Variants in CAPG observed in about 807,000 individuals in gnomAD.
The protein encoded by CAPG is capping actin protein, gelsolin like.
CAPG carries 32 observed loss-of-function variants against 44.6 expected under a neutral mutation model. The observed-to-expected ratio is 0.72, with a 90% CI of 0.54 to 0.96. CAPG has a LOEUF of 0.96. Among genes scored for constraint, CAPG ranks in the 50% least tolerant of loss-of-function variants. The probability of loss-of-function intolerance (pLI) is 0.00; values close to 1 mark genes in which losing one functional copy is unlikely to be tolerated. For synonymous variants in CAPG, 175 were observed against 179.6 expected (o/e 0.97, Z 0.20); for missense variants, 412 against 438.3 (o/e 0.94, Z 0.54).
At chr2:85,398,893 G>A (rs779245903) in intron 6 of CAPG, 111 bp from the exon 7 acceptor site, 105 of 902,888 alleles carry the variant, frequency 1.2e-4, no homozygotes, top group Non-Finnish European at 1.7e-4. Flanking sequence ...CCTGCACTAG[G>A]GCACCCAGCA....
At chr2:85,413,740 G>A (rs896640944), upstream of CAPG, 20 of 152,254 alleles carry the variant, frequency 1.3e-4, no homozygotes, top group Non-Finnish European at 2.2e-4. Flanking sequence ...TACCCTTGTG[G>A]TCTCCCCTGA....
chr2:85,414,616 G>T (rs1687509982), upstream of CAPG, among the ~76,000 whole-genome samples: 1 of 148,642 alleles, frequency 6.7e-6, no homozygotes, highest in South Asian at 2.1e-4. Context: ...TTTTTTTGGA[G>T]AGACTGTGTC....
intron 1 of CAPG, among the ~76,000 whole-genome samples, chr2:85,417,627 C>T (rs111334627): frequency 0.03 from 4,573 of 152,096 alleles, 236 homozygotes; most frequent in African/African-American, 0.1. Flanking sequence ...GGATTACAGG[C>T]ACGTGCCACC....
upstream of CAPG, among the ~76,000 whole-genome samples, chr2:85,414,346 G>A (rs560301807): frequency 6.6e-6 from 1 of 152,202 alleles, no homozygotes; most frequent in Admixed American, 6.5e-5. Flanking sequence ...TATTCCTGCT[G>A]GAAACATGAA....
At chr2:85,410,407 C>T (rs1455492940), upstream of CAPG, 1 of 152,348 alleles carries the variant, frequency 6.6e-6, no homozygotes, top group African/African-American at 2.4e-5. Context: ...CCACCAGCCC[C>T]ACCCACCAGC....
intron 5 of CAPG, among the ~76,000 whole-genome samples, chr2:85,400,809 G>C (rs1243853553): frequency 6.6e-6 from 1 of 152,124 alleles, no homozygotes; most frequent in Non-Finnish European, 1.5e-5. Context: ...GCCCATCTTG[G>C]CTGCCTCCCC....
rs527799560 is a variant in CAPG, at chr2:85,395,262, G to C, written c.981+276C>G. Among the ~76,000 whole-genome samples the C allele has an allele frequency of 3.9e-5, 6 of 152,346 alleles. No individual in the cohort carries two copies. Among genetic ancestry groups the C allele is most frequent in the Non-Finnish European group, 7.3e-5 (5 of 68,038 alleles). On this transcript the variant is annotated intron_variant, in intron 9 of 9. Transcript: ENST00000263867. This position sits in a 1 kb window ranked among gnomAD's most constrained non-coding sequence, Gnocchi z 4.3. ...ACTTGTGGACACTGTGCTGCGGCAG[G>C]AGGGGTGGCACCAGCCAGGGACAAC...
Position 85,399,216 on chromosome 2 carries a change from C to T in CAPG, c.586G>A (p.Ala196Thr). ...ERNKARDLAL[A>T]IRDSERQGKA... ...CCCTGTCGCTCACTGTCCCGGATGG[C>T]CAGGGCCAGGTCCCTCGCCTTGTTG... The change falls in exon 6 of 10, where the codon GCC becomes ACC. Residue 196 changes from alanine (A) to threonine (T), a missense_variant. Physicochemically the swap from Ala to Thr is moderately conservative, Grantham distance 58. Transcript: ENST00000263867. 1 of 1,614,198 alleles carries T rather than the reference C, an allele frequency of 6.2e-7. No homozygotes were observed.
At chr2:85,418,143 G>T (rs1198762955) in intron 1 of CAPG, 1 of 152,208 alleles carries the variant, frequency 6.6e-6, no homozygotes, top group Non-Finnish European at 1.5e-5. Context: ...CACCGAAAGG[G>T]CCCAGGACCC....
chr2:85,419,455 A>G (rs1470540549), upstream of CAPG, among the ~76,000 whole-genome samples: 2 of 152,224 alleles, frequency 1.3e-5, no homozygotes, highest in Non-Finnish European at 2.9e-5. Context: ...CCTGCTCGGT[A>G]GGATGAGCTG....
chr2:85,418,516 G>GA (rs1463880747), upstream of CAPG: 1 of 152,370 alleles, frequency 6.6e-6, no homozygotes, highest in African/African-American at 2.4e-5. Context: ...CGGGGTCTCG[G>GA]AAGCTGCGGC....
At chr2:85,397,704 A>AAAATAAAGAAAGAAAGAAAG (rs111475153) in intron 8 of CAPG, among the ~76,000 whole-genome samples, 3 of 149,130 alleles carry the variant, frequency 2.0e-5, no homozygotes, top group African/African-American at 7.4e-5. Context: ...TTCCTTCTCA[A>AAAATAAAGAAAGAAAGAAAG]AAAGAAAGAA....
chr2:85,397,840 A>C (rs1686679194), intron 8 of CAPG, among the ~76,000 whole-genome samples, 180 bp downstream of exon 8: 1 of 152,234 alleles, frequency 6.6e-6, no homozygotes, highest in Non-Finnish European at 1.5e-5. Flanking sequence ...CAACATAGAA[A>C]GAACCCATCT....
upstream of CAPG, chr2:85,419,074 C>T (rs1312682076): frequency 6.6e-6 from 1 of 152,460 alleles, no homozygotes; most frequent in African/African-American, 2.4e-5. Flanking sequence ...GACCCTGAGA[C>T]TGGACTAGGT....
exon 1 of CAPG, chr2:85,418,419 A>G (rs533091660): frequency 1.3e-5 from 2 of 152,248 alleles, no homozygotes; most frequent in Non-Finnish European, 2.9e-5. Context: ...GCCACACGCC[A>G]GGACGCGTGT....
rs1433236489 is a variant in CAPG, at chr2:85,399,167, G to C, written c.635C>G (p.Thr212Ser). 6.2e-7 allele frequency: 1 copy of C among 1,614,180 alleles called. No individual in the cohort carries two copies. Among genetic ancestry groups the C allele is most frequent in the Admixed American group, 1.7e-5 (1 of 60,032 alleles). The change falls in exon 6 of 10, where the codon ACT becomes AGT. Residue 212 changes from threonine to serine, a missense_variant. Transcript: ENST00000263867. ...CATCTCAGCAGGCTCCTCCCCATCAGTGACAATCTCCACCTGGGCCTTGCC... is the reference window on the plus strand; with the variant it reads ...CATCTCAGCAGGCTCCTCCCCATCACTGACAATCTCCACCTGGGCCTTGCC... ...RQGKAQVEIV[T>S]DGEEPAEMIQ...
intron 6 of CAPG, 115 bp from the exon 7 acceptor site, chr2:85,398,897 C>T (rs1334107709): frequency 3.4e-6 from 3 of 884,126 alleles, no homozygotes; most frequent in Non-Finnish European, 5.2e-6. Flanking sequence ...CACTAGGGCA[C>T]CCAGCAGAGG....
chr2:85,407,266 T>C (rs975090144), intron 1 of CAPG, among the ~76,000 whole-genome samples: 4 of 152,112 alleles, frequency 2.6e-5, no homozygotes, highest in Non-Finnish European at 5.9e-5. Context: ...AAGCCCCTGG[T>C]CTGGGGATTC....
chr2:85,398,782 C>A lies in CAPG; in HGVS notation c.667G>T (p.Val223Phe), dbSNP rs1441915904. ...DGEEPAEMIQ[V>F]LGPKPALKEG... ...TTCAGAGCAGGCTTGGGGCCCAGGA[C>A]CTGCAGGGGCCAGGGCAGGCCAGGT... The change falls in exon 7 of 10, where the codon GTC becomes TTC. Residue 223 changes from valine to phenylalanine, a missense_variant and splice_region_variant. Transcript: ENST00000263867. 1 of 1,598,330 alleles carries A rather than the reference C, an allele frequency of 6.3e-7. No homozygotes were observed. The highest frequency in any genetic ancestry group is 8.5e-7 in the Non-Finnish European group (1 of 1,172,154).
Sources: allele counts gnomAD v4.1 joint callset (sites outside exome capture counted in the v4.1 genomes callset), GRCh38; gene constraint gnomAD v4.1.1; non-coding constraint Gnocchi (gnomAD v3.1); transcripts MANE v1.5; gene names NCBI Gene and HGNC (gene_info 2026-07-23, HGNC 2026-07-21).